The following IL1RAPL1 variants were observed in gnomAD, a reference collection of about 807,000 sequenced individuals.
The protein encoded by IL1RAPL1 is interleukin-1 receptor accessory protein-like 1.
IL1RAPL1 carries 3 observed loss-of-function variants against 48.4 expected under a neutral mutation model. That is an observed-to-expected ratio of 0.06 (90% CI 0.03 to 0.16). The LOEUF is 0.16. Ranked by LOEUF, IL1RAPL1 falls within the 10% of genes least tolerant of loss-of-function variation. IL1RAPL1 has a pLI of 1.00. For synonymous variants in IL1RAPL1, 185 were observed against 187.7 expected, an observed-to-expected ratio of 0.99 and a Z score of 0.12; for missense variants, 349 against 530.6, an observed-to-expected ratio of 0.66 and a Z score of 3.36.
intron 2 of IL1RAPL1, among the ~76,000 whole-genome samples, chrX:29,247,414 T>C (rs1166885738): frequency 9.1e-6 from 1 of 109,730 alleles, no homozygotes; most frequent in Non-Finnish European, 1.9e-5. Flanking sequence ...TACAGAGCCA[T>C]ACTGAAATAA....
At chrX:28,706,123 C>T (rs1935370991) in intron 1 of IL1RAPL1, among the ~76,000 whole-genome samples, 1 of 111,845 alleles carries the variant, frequency 8.9e-6, no homozygotes, top group Non-Finnish European at 1.9e-5. Context: ...CAGTCAATGA[C>T]GAACCGCATG....
chrX:29,014,891 T>C (rs1674475350), intron 2 of IL1RAPL1, among the ~76,000 whole-genome samples: 1 of 111,622 alleles, frequency 9.0e-6, no homozygotes, highest in South Asian at 3.7e-4. Flanking sequence ...ATTTAAATCT[T>C]TGGAGTCAGA....
chrX:29,149,343 C>T (rs905841340), intron 2 of IL1RAPL1, among the ~76,000 whole-genome samples: 1 of 111,126 alleles, frequency 9.0e-6, no homozygotes, highest in Admixed American at 9.7e-5. Flanking sequence ...TAGTTTGAAA[C>T]AACTGATATA....
At chrX:28,807,754 A>C (rs1257364924) in intron 2 of IL1RAPL1, among the ~76,000 whole-genome samples, 1 of 111,390 alleles carries the variant, frequency 9.0e-6, no homozygotes, top group Non-Finnish European at 1.9e-5. Context: ...TTCATCCTAC[A>C]TTTGATTTTT....
intron 6 of IL1RAPL1, among the ~76,000 whole-genome samples, chrX:29,687,804 C>A (rs1601779457): frequency 9.0e-6 from 1 of 111,705 alleles, no homozygotes; most frequent in Non-Finnish European, 1.9e-5. Context: ...GGAAAAAAAA[C>A]CTCTGACCTG....
At chrX:29,430,267 C>T (rs1315256954) in intron 5 of IL1RAPL1, among the ~76,000 whole-genome samples, 3 of 111,120 alleles carry the variant, frequency 2.7e-5, no homozygotes, top group Non-Finnish European at 5.7e-5. Context: ...GTCTCACCTA[C>T]GACAGGTAAA....
At chrX:28,975,972 A>G (rs1925194472) in intron 2 of IL1RAPL1, among the ~76,000 whole-genome samples, 1 of 111,920 alleles carries the variant, frequency 8.9e-6, no homozygotes, top group Admixed American at 9.5e-5. Context: ...CACGTATGTC[A>G]TGTTCAAAGA....
intron 2 of IL1RAPL1, among the ~76,000 whole-genome samples, chrX:28,940,433 T>C (rs575957054): frequency 9.0e-6 from 1 of 111,326 alleles, no homozygotes; most frequent in South Asian, 3.7e-4. Context: ...TCTAGAAGTG[T>C]TTTTTTCCTG....
Position 29,809,597 on chromosome X carries a change from G to A in IL1RAPL1, c.779-107867G>A, listed in dbSNP as rs956731196. ...TTTTTTTCTAATTCACAAACGGGAC[G>A]TTATCATCATTTCTTTATGCAGTCA... is the stretch of plus-strand genomic sequence containing the variant. On this transcript the variant is annotated intron_variant, in intron 6 of 10. Transcript: ENST00000378993. Among the ~76,000 whole-genome samples the A allele has an allele frequency of 4.5e-5, 5 of 110,346 alleles. No individual in the cohort carries two copies. The East Asian group carries it at 8.5e-4, about 19-fold the overall frequency.
At chrX:28,641,238 C>T (rs1934536669) in intron 1 of IL1RAPL1, among the ~76,000 whole-genome samples, 1 of 109,616 alleles carries the variant, frequency 9.1e-6, no homozygotes, top group Non-Finnish European at 1.9e-5. Context: ...CAACAGGCCC[C>T]AGTGTGTGAC....
In IL1RAPL1 at chrX:29,656,510, G is replaced by A. The variant is rs751860760; in HGVS notation, c.704-11920G>A. On this transcript the variant is annotated intron_variant, in intron 5 of 10. Transcript: ENST00000378993. ...TTAGCTCCCACTTATAAGTGAGAAC[G>A]TACAATGTTTGGTTTTCTATTACTG... Among the ~76,000 whole-genome samples, 9 of 111,087 alleles carry A rather than the reference G, an allele frequency of 8.1e-5. No individual in the cohort carries two copies. In the East Asian group the frequency reaches 2.0e-3, roughly 24 times the overall value.
chrX:28,894,602 G>A (rs1212959284), intron 2 of IL1RAPL1, among the ~76,000 whole-genome samples: 1 of 111,204 alleles, frequency 9.0e-6, no homozygotes, highest in Non-Finnish European at 1.9e-5. Context: ...TCAGGTGGGA[G>A]GAAGAAGATA....
intron 2 of IL1RAPL1, among the ~76,000 whole-genome samples, chrX:29,208,513 C>T (rs1408933434): frequency 9.1e-6 from 1 of 109,429 alleles, no homozygotes; most frequent in African/African-American, 3.3e-5. Context: ...AGATCGAGAC[C>T]ATCCTGGCTA....
intron 2 of IL1RAPL1, among the ~76,000 whole-genome samples, chrX:29,026,901 G>T (rs941606657): frequency 9.0e-6 from 1 of 111,503 alleles, no homozygotes; most frequent in Non-Finnish European, 1.9e-5. Flanking sequence ...GCAGTTTTAG[G>T]TTCTTAGCTT....
intron 2 of IL1RAPL1, among the ~76,000 whole-genome samples, chrX:29,215,838 C>A (rs1466431138): frequency 9.0e-6 from 1 of 111,174 alleles, no homozygotes; most frequent in Admixed American, 9.6e-5. Flanking sequence ...TGGCTTCAGA[C>A]TTTTTTATCA....
In IL1RAPL1 at chrX:28,658,403, A is replaced by G. The variant is rs1934775280; in HGVS notation, c.-25+70356A>G. Among the ~76,000 whole-genome samples the G allele has an allele frequency of 4.5e-5, 5 of 111,060 alleles. No homozygotes were observed. In the South Asian group the frequency reaches 1.1e-3, roughly 25 times the overall value. On this transcript the variant is annotated intron_variant, in intron 1 of 10. Coordinates refer to ENST00000378993, the MANE Select transcript of IL1RAPL1 (RefSeq NM_014271.4). ...TAGCTAATTTTTGTGTTTTAGTAGA[A>G]ACGGGGTTTCACCATGGTGATCAGG...
chrX:29,400,563 G>C (rs772430494), intron 5 of IL1RAPL1, among the ~76,000 whole-genome samples: 2 of 111,675 alleles, frequency 1.8e-5, no homozygotes, highest in South Asian at 7.4e-4. Flanking sequence ...GATCATACTT[G>C]TAAAACTTAT....
At chrX:29,071,367 C>T (rs1010701267) in intron 2 of IL1RAPL1, among the ~76,000 whole-genome samples, 1 of 111,727 alleles carries the variant, frequency 9.0e-6, no homozygotes, top group African/African-American at 3.2e-5. Flanking sequence ...TTCAAGCAAA[C>T]AAAACAGCAA....
At chrX:29,153,198 C>T (rs1297678085) in intron 2 of IL1RAPL1, among the ~76,000 whole-genome samples, 1 of 111,672 alleles carries the variant, frequency 9.0e-6, no homozygotes, top group African/African-American at 3.3e-5. Flanking sequence ...TCTTCTGCCT[C>T]CTTTTCTCAT....
Sources: allele counts gnomAD v4.1 joint callset (sites outside exome capture counted in the v4.1 genomes callset), GRCh38; gene constraint gnomAD v4.1.1; transcripts MANE v1.5; gene names NCBI Gene and HGNC (gene_info 2026-07-23, HGNC 2026-07-21).